Variants in NCALD observed in about 807,000 individuals in gnomAD.
NCALD encodes neurocalcin-delta.
A neutral mutation model predicts 18.6 loss-of-function variants in NCALD; 10 were observed. That is an observed-to-expected ratio of 0.54 (90% confidence interval 0.33 to 0.91). The LOEUF is 0.91. NCALD is among the 40% of genes least tolerant of loss of function. NCALD has a pLI of 0.03. For missense variants in NCALD, 184 were observed against 247.6 expected, an observed-to-expected ratio of 0.74 and a Z score of 1.72; for synonymous variants, 88 against 87.4, an observed-to-expected ratio of 1.01 and a Z score of -0.04.
At chr8:101,907,157 G>A (rs931660613) in intron 3 of NCALD, among the ~76,000 whole-genome samples, 7 of 152,032 alleles carry the variant, frequency 4.6e-5, no homozygotes, top group Admixed American at 2.0e-4. Context: ...GGAGTTTTTG[G>A]CAACTTCTAA....
chr8:102,010,733 G>A (rs1476465207), intron 2 of NCALD, among the ~76,000 whole-genome samples: 1 of 152,158 alleles, frequency 6.6e-6, no homozygotes, highest in Admixed American at 6.5e-5. Flanking sequence ...TCTCTCTGAC[G>A]TTTCCCTAGA....
intron 4 of NCALD, among the ~76,000 whole-genome samples, chr8:101,818,869 G>T (rs1813605764): frequency 6.6e-6 from 1 of 152,080 alleles, no homozygotes; most frequent in South Asian, 2.1e-4. Flanking sequence ...GCCAGGCATG[G>T]TAGCACATGC....
intron 2 of NCALD, among the ~76,000 whole-genome samples, chr8:101,993,275 A>G (rs527633458): frequency 3.0e-4 from 45 of 152,100 alleles, no homozygotes; most frequent in African/African-American, 1.0e-3. Context: ...ACCCCAAATT[A>G]CAAATATCAT....
In NCALD at chr8:101,742,294, A is replaced by G. The variant is rs2154653; in HGVS notation, c.-19-22646T>C. Reference sequence around the variant, plus strand: ...CATAATTTTATTGAAGAAGAAAGCAATAAAGGAAGGATGCTATATGTAAGT... The same window carrying G: ...CATAATTTTATTGAAGAAGAAAGCAGTAAAGGAAGGATGCTATATGTAAGT... On this transcript the variant is annotated intron_variant, in intron 1 of 3. Coordinates refer to ENST00000220931, the MANE Select transcript of NCALD (RefSeq NM_032041.3). Among the ~76,000 whole-genome samples the G allele has an allele frequency of 1.9e-3, 293 of 152,282 alleles. 1 individual carries two copies. The highest frequency in any genetic ancestry group is 8.2e-3 in the Admixed American group (125 of 15,280).
chr8:102,121,875 GT>G (rs1217090824), intron 1 of NCALD, among the ~76,000 whole-genome samples: 3 of 152,128 alleles, frequency 2.0e-5, no homozygotes, highest in Non-Finnish European at 4.4e-5. Flanking sequence ...ATAAAGCTTG[GT>G]TTGGTCCTCC....
At chr8:102,046,795 T>G in intron 1 of NCALD, among the ~76,000 whole-genome samples, 1 of 139,322 alleles carries the variant, frequency 7.2e-6, no homozygotes. Flanking sequence ...GAGTTTTTTT[T>G]CCTTTTTTTT....
At chr8:101,794,372 T>C (rs1443456105), upstream of NCALD, among the ~76,000 whole-genome samples, 1 of 152,118 alleles carries the variant, frequency 6.6e-6, no homozygotes, top group Non-Finnish European at 1.5e-5. Flanking sequence ...TTCCTTTTTC[T>C]TCCTACTAAT....
chr8:101,877,738 C>CTT (rs570941705), intron 4 of NCALD, among the ~76,000 whole-genome samples: 1 of 152,090 alleles, frequency 6.6e-6, no homozygotes, highest in Non-Finnish European at 1.5e-5. Context: ...CTTTTTGCCC[C>CTT]TTTTTTTCTC....
chr8:101,856,171 G>T (rs1301144204), intron 4 of NCALD, among the ~76,000 whole-genome samples: 3 of 152,002 alleles, frequency 2.0e-5, no homozygotes, highest in Non-Finnish European at 4.4e-5. Flanking sequence ...TTTTTGTTTG[G>T]TTTGGTTTGG....
chr8:101,727,543 T>C (rs932726637), intron 1 of NCALD, among the ~76,000 whole-genome samples: 64 of 152,202 alleles, frequency 4.2e-4, no homozygotes, highest in African/African-American at 1.5e-3. Context: ...GGCAAGATTG[T>C]GGTGCACTAG....
At chr8:102,021,928 CG>C (rs1390490109) in intron 1 of NCALD, among the ~76,000 whole-genome samples, 2 of 152,064 alleles carry the variant, frequency 1.3e-5, no homozygotes, top group African/African-American at 4.8e-5. Flanking sequence ...GAGACACAAC[CG>C]GAAAAGCCAT....
intron 4 of NCALD, among the ~76,000 whole-genome samples, chr8:101,818,039 C>T (rs1418268915): frequency 6.6e-6 from 1 of 152,090 alleles, no homozygotes; most frequent in African/African-American, 2.4e-5. Flanking sequence ...TCCAGCTGCT[C>T]GAGAGATGAG....
chr8:102,068,969 T>A (rs990818796), intron 1 of NCALD, among the ~76,000 whole-genome samples: 3 of 152,128 alleles, frequency 2.0e-5, no homozygotes, highest in Non-Finnish European at 2.9e-5. Flanking sequence ...ACATGTGGAA[T>A]CTAAAAAAGT....
chr8:102,064,750 A>G (rs749245386), intron 1 of NCALD, among the ~76,000 whole-genome samples: 15 of 152,172 alleles, frequency 9.9e-5, no homozygotes, highest in Non-Finnish European at 1.3e-4. Context: ...TACAAAAATC[A>G]CATACCACAC....
At chr8:101,797,687 G>C (rs1812690236) in intron 4 of NCALD, among the ~76,000 whole-genome samples, 2 of 151,952 alleles carry the variant, frequency 1.3e-5, no homozygotes, top group African/African-American at 4.8e-5. Context: ...GTGGTGGCCT[G>C]CACCTGTAGT....
In NCALD at chr8:102,092,642, T is replaced by C. The variant is rs528473294; in HGVS notation, c.-210+31595A>G. Among the ~76,000 whole-genome samples, 55 of 152,352 alleles carry C rather than the reference T, an allele frequency of 3.6e-4. 2 individuals carry two copies. In the South Asian group the frequency reaches 0.01, roughly 29 times the overall value. The stretch of plus-strand genomic sequence containing the variant: ...GATCCTGTCACAGCAACAAGCCTTT[T>C]TTCATGCTCCTCCCACATTGACCTT... On this transcript the variant is annotated intron_variant, in intron 1 of 6. Transcript: ENST00000311028.
chr8:101,776,322 T>A (rs1411188099), intron 1 of NCALD, among the ~76,000 whole-genome samples: 1 of 152,184 alleles, frequency 6.6e-6, no homozygotes, highest in Admixed American at 6.5e-5. Context: ...TCCTCTAATG[T>A]GTCATTCATT....
At chr8:101,973,987 T>C (rs746803020) in intron 2 of NCALD, among the ~76,000 whole-genome samples, 2 of 152,180 alleles carry the variant, frequency 1.3e-5, no homozygotes, top group Non-Finnish European at 2.9e-5. Context: ...ACCAGCCTGA[T>C]AATCCTTCTA....
At chr8:102,077,689 C>T (rs955453973) in intron 1 of NCALD, among the ~76,000 whole-genome samples, 1 of 152,164 alleles carries the variant, frequency 6.6e-6, no homozygotes, top group African/African-American at 2.4e-5. Flanking sequence ...CCTTTAGCGA[C>T]TACTGATTGG....
Sources: allele counts gnomAD v4.1 joint callset (sites outside exome capture counted in the v4.1 genomes callset), GRCh38; gene constraint gnomAD v4.1.1; transcripts MANE v1.5; gene names NCBI Gene and HGNC (gene_info 2026-07-23, HGNC 2026-07-21).